KRTAP11-1: variants seen among roughly 807,000 people sequenced by gnomAD.
The protein encoded by KRTAP11-1 is keratin associated protein 11-1, also known as keratin-associated protein 11-1.
In KRTAP11-1, 17 loss-of-function variants were observed where a neutral mutation model predicts 13.9. That is an observed-to-expected ratio of 1.23 (90% CI 0.84 to 1.84). The LOEUF (loss-of-function observed/expected upper bound fraction) is 1.84. Among genes scored for constraint, KRTAP11-1 ranks in the 40% most tolerant of loss-of-function variants. The pLI, the probability that KRTAP11-1 is intolerant of heterozygous loss-of-function variation, is 0.00. For synonymous variants in KRTAP11-1, 69 were observed against 81.6 expected, an observed-to-expected ratio of 0.85 and a Z score of 0.84; for missense variants, 181 against 200.9, an observed-to-expected ratio of 0.90 and a Z score of 0.60.
Position 30,881,356 on chromosome 21 carries a change from G to A in KRTAP11-1, c.169C>T (p.Gln57Ter). 1 of 1,614,152 alleles carries A rather than the reference G, an allele frequency of 6.2e-7. No individual in the cohort carries two copies. Among genetic ancestry groups the A allele is most frequent in the African/African-American group, 1.3e-5 (1 of 75,056 alleles). ...QTGSWLLDHCQETCCEPTACQ... is the reference protein window; with the variant it reads ...QTGSWLLDHC The stretch of plus-strand genomic sequence containing the variant: ...GCAGTGGGCTCACAGCAGGTCTCTT[G>A]ACAGTGGTCCAGGAGCCAAGAGCCA... Residue 57 changes from glutamine to a stop codon, truncating the protein, a stop_gained, in exon 1 of 1, where the codon CAA becomes TAA. Transcript: ENST00000332378. LOFTEE classifies it high-confidence loss of function.
In KRTAP11-1 at chr21:30,881,307, C is replaced by G; in HGVS notation, c.218G>C (p.Arg73Pro). Residue 73 changes from arginine to proline, a missense_variant, in exon 1 of 1, where the codon CGA becomes CCA. By Grantham distance (103) the Arg-to-Pro change is moderately radical (BLOSUM62 -2). Transcript: ENST00000332378. The stretch of plus-strand genomic sequence containing the variant: ...GCAAGGGTTGGAGACACATGAAGTT[C>G]GCCGGTAACAGGTTGGCTGGCAAGC... ...PTACQPTCYR[R>P]TSCVSNPCQV... is the part of the protein sequence containing the mutation. 6.2e-7 allele frequency: 1 copy of G among 1,614,120 alleles called. No homozygotes were observed. The highest frequency in any genetic ancestry group is 8.5e-7 in the Non-Finnish European group (1 of 1,180,008).
rs780956411 is a variant in KRTAP11-1 at position 30,881,010 on chromosome 21, T to G, written c.*23A>C. On this transcript the variant is annotated 3_prime_UTR_variant, in exon 1 of 1. Coordinates refer to ENST00000332378, the MANE Select transcript of KRTAP11-1 (RefSeq NM_175858.3). ...CAGCTGGCAGGTCGTGGAGTCTTGA[T>G]TCGCTCACTGGCTCCTACACACTTA... 3.1e-6 allele frequency: 5 copies of G among 1,594,326 alleles called. No homozygotes were observed. The highest frequency in any genetic ancestry group is 1.7e-4 in the Middle Eastern group (1 of 5,726).
rs748669766 is a variant in KRTAP11-1 at position 30,881,133 on chromosome 21, C to G, written c.392G>C (p.Cys131Ser). The G allele has an allele frequency of 1.2e-5, 19 of 1,614,032 alleles. No homozygotes were observed. The Admixed American group carries it at 2.2e-4, about 18-fold the overall frequency. Residue 131 changes from cysteine to serine, a missense_variant, in exon 1 of 1, where the codon TGC becomes TCC. By Grantham distance (112) the Cys-to-Ser change is moderately radical. Coordinates refer to ENST00000332378, the MANE Select transcript of KRTAP11-1 (RefSeq NM_175858.3). ...CQPVGGISTV[C>S]QPVGGVSTVC... ...AGTAGAGACTCCTCCCACTGGTTGG[C>G]AGACAGTAGAGATGCCGCCCACTGG...
chr21:30,881,576 T>C lies in KRTAP11-1; in HGVS notation c.-52A>G. On this transcript the variant is annotated 5_prime_UTR_variant, in exon 1 of 1. Transcript: ENST00000332378. The stretch of plus-strand genomic sequence containing the variant: ...CTTGCTGAAGTTACCTCCTGAGTTG[T>C]GAATGTCACTCCAGACTCCTGAGCT... 1.3e-6 allele frequency: 2 copies of C among 1,537,862 alleles called. No individual in the cohort carries two copies. The highest frequency in any genetic ancestry group is 2.7e-5 in the African/African-American group (2 of 73,308).
chr21:30,881,442 G>T lies in KRTAP11-1; in HGVS notation c.83C>A (p.Thr28Lys). The T allele has an allele frequency of 6.2e-7, 1 of 1,614,118 alleles. No homozygotes were observed. The highest frequency in any genetic ancestry group is 1.3e-5 in the African/African-American group (1 of 75,028). ...RCIVPVAQVT[T>K]TSTTDADCLG... ...GCAGTCAGCATCAGTGGTGGAAGTC[G>T]TGGTAACTTGGGCCACTGGAACAAT... Residue 28 changes from threonine to lysine, a missense_variant, in exon 1 of 1, where the codon ACG (threonine) becomes AAG (lysine). Coordinates refer to ENST00000332378, the MANE Select transcript of KRTAP11-1 (RefSeq NM_175858.3).
Position 30,880,981 on chromosome 21 carries a change from GA to G in KRTAP11-1, c.*51del. 1 of 1,565,214 alleles carries G rather than the reference GA, an allele frequency of 6.4e-7. No individual in the cohort carries two copies. The highest frequency in any genetic ancestry group is 1.2e-5 in the South Asian group (1 of 82,184). Reference sequence around the variant, plus strand: ...ACAAGCAGCATGCTGGAAGATCCTGGAAACAGCTGGCAGGTCGTGGAGTCTT... The same window carrying G: ...ACAAGCAGCATGCTGGAAGATCCTGGAACAGCTGGCAGGTCGTGGAGTCTT... On this transcript the variant is annotated 3_prime_UTR_variant, in exon 1 of 1. Coordinates refer to ENST00000332378, the MANE Select transcript of KRTAP11-1 (RefSeq NM_175858.3).
At position 30,881,310 on chromosome 21, in the gene KRTAP11-1, C is replaced by T. The variant is rs71321355; in HGVS notation, c.215G>A (p.Arg72Gln). 329,821 of 1,613,818 alleles carry T rather than the reference C, an allele frequency of 0.2. 36,006 individuals are homozygous for T. The highest frequency in any genetic ancestry group is 0.3 in the South Asian group (27,292 of 91,066). ...AGGGTTGGAGACACATGAAGTTCGC[C>T]GGTAACAGGTTGGCTGGCAAGCAGT... ...EPTACQPTCY[R>Q]RTSCVSNPCQ... is the part of the protein sequence containing the mutation. The change falls in exon 1 of 1, where the codon CGG becomes CAG. Residue 72 changes from arginine (R) to glutamine (Q), a missense_variant. Transcript: ENST00000332378.
At position 30,880,911 on chromosome 21, in the gene KRTAP11-1, G is replaced by A; in HGVS notation, c.*122C>T. 1.5e-6 allele frequency: 2 copies of A among 1,295,004 alleles called. No homozygotes were observed. The highest frequency in any genetic ancestry group is 4.7e-5 in the East Asian group (2 of 42,876). The allele number at this position is 1,295,004 out of a possible 1,614,324, so 80.2% of individuals were successfully genotyped here. On this transcript the variant is annotated 3_prime_UTR_variant, in exon 1 of 1. Transcript: ENST00000332378. ...GCGTGTGCATGGATAGTAGCCAGCA[G>A]TCAGGCGGTCACAAGAAGGGTCAGC...
Position 30,881,206 on chromosome 21 carries a change from C to T in KRTAP11-1, c.319G>A (p.Val107Ile). The change falls in exon 1 of 1, where the codon GTC (valine) becomes ATC (isoleucine). Residue 107 changes from valine (V) to isoleucine (I), a missense_variant. Transcript: ENST00000332378. Reference protein sequence around the residue: ...STTYSRPLTFVSSGCQPLGGI... With the variant: ...STTYSRPLTFISSGCQPLGGI... ...CCCAGGGGCTGACATCCACTAGAGA[C>T]AAAGGTGAGCGGCCGGCTGTAGGTA... The T allele has an allele frequency of 6.2e-7, 1 of 1,614,110 alleles. No individual in the cohort carries two copies. Among genetic ancestry groups the T allele is most frequent in the Non-Finnish European group, 8.5e-7 (1 of 1,180,012 alleles).
chr21:30,881,230 T>C lies in KRTAP11-1; in HGVS notation c.295A>G (p.Thr99Ala). The change falls in exon 1 of 1, where the codon ACC becomes GCC. Residue 99 changes from threonine (T) to alanine (A), a missense_variant. Physicochemically the swap from Thr to Ala is moderately conservative, Grantham distance 58 (BLOSUM62 0). Transcript: ENST00000332378. ...ACAAAGGTGAGCGGCCGGCTGTAGG[T>C]AGTTGAGCAGGGGTTGGAAATACAG... is the stretch of plus-strand genomic sequence containing the variant. ...TTCISNPCST[T>A]YSRPLTFVSS... 1.9e-6 allele frequency: 3 copies of C among 1,613,790 alleles called. No individual in the cohort carries two copies. The highest frequency in any genetic ancestry group is 2.5e-6 in the Non-Finnish European group (3 of 1,179,944).
In KRTAP11-1 at chr21:30,880,997, C is replaced by G; in HGVS notation, c.*36G>C. On this transcript the variant is annotated 3_prime_UTR_variant, in exon 1 of 1. Transcript: ENST00000332378. The stretch of plus-strand genomic sequence containing the variant: ...AAGATCCTGGAAACAGCTGGCAGGT[C>G]GTGGAGTCTTGATTCGCTCACTGGC... The G allele has an allele frequency of 6.3e-7, 1 of 1,579,984 alleles. No individual in the cohort carries two copies. The highest frequency in any genetic ancestry group is 8.6e-7 in the Non-Finnish European group (1 of 1,160,852).
rs1986205397 is a variant in KRTAP11-1, at chr21:30,881,229, G to A, written c.296C>T (p.Thr99Ile). ...GACAAAGGTGAGCGGCCGGCTGTAG[G>A]TAGTTGAGCAGGGGTTGGAAATACA... Reference protein sequence around the residue: ...TTCISNPCSTTYSRPLTFVSS... With the variant: ...TTCISNPCSTIYSRPLTFVSS... The change falls in exon 1 of 1, where the codon ACC (threonine) becomes ATC (isoleucine). Residue 99 changes from threonine (T) to isoleucine (I), a missense_variant. Physicochemically the swap from Thr to Ile is moderately conservative, Grantham distance 89. Coordinates refer to ENST00000332378, the MANE Select transcript of KRTAP11-1 (RefSeq NM_175858.3). The A allele has an allele frequency of 6.2e-7, 1 of 1,614,074 alleles. No homozygotes were observed. The highest frequency in any genetic ancestry group is 8.5e-7 in the Non-Finnish European group (1 of 1,180,038).
chr21:30,881,246 G>A lies in KRTAP11-1; in HGVS notation c.279C>T (p.Ser93=). 1 of 1,614,144 alleles carries A rather than the reference G, an allele frequency of 6.2e-7. No individual in the cohort carries two copies. Residue 93 remains serine (S), a synonymous_variant, in exon 1 of 1, where the codon TCC becomes TCT. Transcript: ENST00000332378. ...GGCTGTAGGTAGTTGAGCAGGGGTTGGAAATACAGGTAGTTTGTCGAGAGC... is the reference window on the plus strand; with the variant it reads ...GGCTGTAGGTAGTTGAGCAGGGGTTAGAAATACAGGTAGTTTGTCGAGAGC... ...VTCSRQTTCI[S]NPCSTTYSRP... is the part of the protein sequence containing the mutation.
In KRTAP11-1 at chr21:30,881,093, G is replaced by A. The variant is rs377406730; in HGVS notation, c.432C>T (p.Ala144=). ...GCTGATACGTCCTGGAGACCCCACA[G>A]GCTGGCTGGCAGACAGTAGAGACTC... The part of the protein sequence containing the change: ...VGGVSTVCQP[A]CGVSRTYQQS... The change falls in exon 1 of 1, where the codon GCC becomes GCT. Residue 144 remains alanine (A), a synonymous_variant. Coordinates refer to ENST00000332378, the MANE Select transcript of KRTAP11-1 (RefSeq NM_175858.3). 6.2e-7 allele frequency: 1 copy of A among 1,614,206 alleles called. No homozygotes were observed. Among genetic ancestry groups the A allele is most frequent in the African/African-American group, 1.3e-5 (1 of 75,060 alleles).
At position 30,880,852 on chromosome 21, in the gene KRTAP11-1, G is replaced by T. The variant is rs1025992095; in HGVS notation, c.*181C>A. Reference sequence around the variant, plus strand: ...TGAGCAACCCTTAAAACAAGCTTAGGGCTGGCCAGAAAAATTTTAGAGTGC... The same window carrying T: ...TGAGCAACCCTTAAAACAAGCTTAGTGCTGGCCAGAAAAATTTTAGAGTGC... On this transcript the variant is annotated 3_prime_UTR_variant, in exon 1 of 1. Coordinates refer to ENST00000332378, the MANE Select transcript of KRTAP11-1 (RefSeq NM_175858.3). The T allele has an allele frequency of 4.1e-6, 3 of 728,626 alleles. No homozygotes were observed. The East Asian group carries it at 7.9e-5, about 19-fold the overall frequency. 45.1% of individuals were successfully genotyped at this position (728,626 alleles called of 1,614,324 possible). A position where few individuals can be genotyped will look rare whatever the true frequency, so the allele number is the denominator to read the frequency against.
In KRTAP11-1 at chr21:30,881,334, G is replaced by T; in HGVS notation, c.191C>A (p.Thr64Asn). Reference protein sequence around the residue: ...DHCQETCCEPTACQPTCYRRT... With the variant: ...DHCQETCCEPNACQPTCYRRT... ...CCGGTAACAGGTTGGCTGGCAAGCAGTGGGCTCACAGCAGGTCTCTTGACA... is the reference window on the plus strand; with the variant it reads ...CCGGTAACAGGTTGGCTGGCAAGCATTGGGCTCACAGCAGGTCTCTTGACA... Residue 64 changes from threonine (T) to asparagine (N), a missense_variant, in exon 1 of 1, where the codon ACT becomes AAT. Coordinates refer to ENST00000332378, the MANE Select transcript of KRTAP11-1 (RefSeq NM_175858.3). 1 of 1,614,178 alleles carries T rather than the reference G, an allele frequency of 6.2e-7. No individual in the cohort carries two copies. Among genetic ancestry groups the T allele is most frequent in the Admixed American group, 1.7e-5 (1 of 60,028 alleles).
chr21:30,880,839 A>T lies in KRTAP11-1; in HGVS notation c.*194T>A. The stretch of plus-strand genomic sequence containing the variant: ...TACACAGCACCAGTGAGCAACCCTT[A>T]AAACAAGCTTAGGGCTGGCCAGAAA... On this transcript the variant is annotated 3_prime_UTR_variant, in exon 1 of 1. Transcript: ENST00000332378. The T allele has an allele frequency of 1.5e-6, 1 of 658,036 alleles. No individual in the cohort carries two copies. The highest frequency in any genetic ancestry group is 2.6e-6 in the Non-Finnish European group (1 of 389,174). 40.8% of individuals were successfully genotyped at this position (658,036 alleles called of 1,614,324 possible).
In KRTAP11-1 at chr21:30,881,267, A is replaced by G. The variant is rs1568960209; in HGVS notation, c.258T>C (p.Ser86=). The part of the protein sequence containing the change: ...CVSNPCQVTC[S]RQTTCISNPC... Reference sequence around the variant, plus strand: ...GGTTGGAAATACAGGTAGTTTGTCGAGAGCAAGTCACCTGGCAAGGGTTGG... The same window carrying G: ...GGTTGGAAATACAGGTAGTTTGTCGGGAGCAAGTCACCTGGCAAGGGTTGG... Residue 86 remains serine (S), a synonymous_variant, in exon 1 of 1, where the codon TCT becomes TCC. Transcript: ENST00000332378. 2 of 1,614,040 alleles carry G rather than the reference A, an allele frequency of 1.2e-6. No homozygotes were observed. The highest frequency in any genetic ancestry group is 1.3e-5 in the African/African-American group (1 of 74,924).
In KRTAP11-1 at chr21:30,880,864, A is replaced by G. The variant is rs1986194432; in HGVS notation, c.*169T>C. The G allele has an allele frequency of 2.3e-6, 2 of 882,868 alleles. No individual in the cohort carries two copies. The highest frequency in any genetic ancestry group is 1.7e-5 in the African/African-American group (1 of 59,652). 54.7% of individuals were successfully genotyped at this position (882,868 alleles called of 1,614,324 possible). A position where few individuals can be genotyped will look rare whatever the true frequency, so the allele number is the denominator to read the frequency against. ...AAAACAAGCTTAGGGCTGGCCAGAA[A>G]AATTTTAGAGTGCTAAAGACAGCGT... On this transcript the variant is annotated 3_prime_UTR_variant, in exon 1 of 1. Transcript: ENST00000332378.
Sources: allele counts gnomAD v4.1 joint callset, GRCh38; gene constraint gnomAD v4.1.1; transcripts MANE v1.5; gene names NCBI Gene and HGNC (gene_info 2026-07-23, HGNC 2026-07-21).